Variants in ANO4 observed in about 807,000 individuals in gnomAD.
ANO4 encodes anoctamin 4, also known as anoctamin-4.
A neutral mutation model predicts 141.9 loss-of-function variants in ANO4; 69 were observed. The ratio of observed to expected loss-of-function variants is 0.49; its 90% CI spans 0.40 to 0.59. The LOEUF (loss-of-function observed/expected upper bound fraction) is 0.59, where lower values mean the gene tolerates loss of function less well. Among genes scored for constraint, ANO4 ranks in the 20% least tolerant of loss-of-function variants. The pLI, the probability that ANO4 is intolerant of heterozygous loss-of-function variation, is 0.00. For synonymous variants in ANO4, 350 were observed against 394.3 expected (o/e 0.89, Z 1.33); for missense variants, 894 against 1,162.2 (o/e 0.77, Z 3.36).
intron 14 of ANO4, among the ~76,000 whole-genome samples, chr12:101,058,219 A>G (rs981183030): frequency 1.3e-5 from 2 of 152,148 alleles, no homozygotes; most frequent in Non-Finnish European, 2.9e-5. Context: ...CCATTGGTCT[A>G]TATGTCTGTT....
At chr12:101,011,343 A>G (rs538809329) in intron 8 of ANO4, among the ~76,000 whole-genome samples, 1 of 134,180 alleles carries the variant, frequency 7.5e-6, no homozygotes, top group South Asian at 2.3e-4. Context: ...TTTGCAATCT[A>G]CCACAGACTG....
intron 1 of ANO4, among the ~76,000 whole-genome samples, chr12:100,872,607 A>G (rs1488461359): frequency 6.6e-6 from 1 of 152,238 alleles, no homozygotes; most frequent in African/African-American, 2.4e-5. Context: ...TTAACATGTT[A>G]TAGTAAGAAC....
intron 1 of ANO4, among the ~76,000 whole-genome samples, chr12:100,863,257 G>A (rs924926679): frequency 3.9e-5 from 6 of 152,156 alleles, no homozygotes; most frequent in African/African-American, 1.4e-4. Flanking sequence ...AAGGTAGGAA[G>A]CTGTTGTGAG....
chr12:100,880,979 G>C (rs183076536), intron 1 of ANO4, among the ~76,000 whole-genome samples: 64 of 152,194 alleles, frequency 4.2e-4, no homozygotes, highest in Middle Eastern at 3.4e-3. Flanking sequence ...TTTATTTATA[G>C]AATATGCTCC....
intron 1 of ANO4, among the ~76,000 whole-genome samples, chr12:100,875,911 AC>A (rs1310669429): frequency 6.6e-6 from 1 of 152,148 alleles, no homozygotes; most frequent in Non-Finnish European, 1.5e-5. Flanking sequence ...AGTTTGAAAT[AC>A]CTCTTAGACA....
At chr12:100,873,577 A>G (rs1276446206) in intron 1 of ANO4, among the ~76,000 whole-genome samples, 1 of 152,204 alleles carries the variant, frequency 6.6e-6, no homozygotes, top group Non-Finnish European at 1.5e-5. Context: ...AGAAATGTCT[A>G]AGCAGCAAAA....
In ANO4 at chr12:100,724,041, A is replaced by C. The variant is rs532867596; in HGVS notation, c.22+6494A>C. 5.9e-5 allele frequency among the ~76,000 whole-genome samples: 9 copies of C among 152,336 alleles called. No individual in the cohort carries two copies. In the East Asian group the frequency reaches 1.7e-3, roughly 29 times the overall value. On this transcript the variant is annotated intron_variant, in intron 1 of 29. Coordinates refer to the ANO4 transcript ENST00000644049. ...ACAAACAAAAAACAAAAAAACAAAAAAACCTTGCCTGTTTCATGGATCTTA... is the reference window on the plus strand; with the variant it reads ...ACAAACAAAAAACAAAAAAACAAAACAACCTTGCCTGTTTCATGGATCTTA...
At chr12:101,110,961 G>C (rs2050640816) in intron 23 of ANO4, among the ~76,000 whole-genome samples, 1 of 152,176 alleles carries the variant, frequency 6.6e-6, no homozygotes, top group Admixed American at 6.5e-5. Flanking sequence ...GATGAACTTT[G>C]GTCTTTGACT....
At chr12:100,926,681 C>T (rs1340824780) in intron 3 of ANO4, among the ~76,000 whole-genome samples, 2 of 151,860 alleles carry the variant, frequency 1.3e-5, no homozygotes, top group African/African-American at 4.8e-5. Context: ...TCTCACCCTT[C>T]ACTCTCCATT....
At chr12:101,049,681 T>C (rs2136665530) in intron 14 of ANO4, among the ~76,000 whole-genome samples, 1 of 152,348 alleles carries the variant, frequency 6.6e-6, no homozygotes, top group South Asian at 2.1e-4. Context: ...TCTTTTTTGA[T>C]AAGTGGAAAC....
chr12:101,119,926 CA>C (rs2051013317), intron 25 of ANO4, among the ~76,000 whole-genome samples: 2 of 152,128 alleles, frequency 1.3e-5, no homozygotes, highest in Admixed American at 1.3e-4. Flanking sequence ...TATGCCGACT[CA>C]AAAGTGATAG....
At chr12:100,862,379 T>C (rs2038527161) in intron 1 of ANO4, among the ~76,000 whole-genome samples, 1 of 152,224 alleles carries the variant, frequency 6.6e-6, no homozygotes, top group Non-Finnish European at 1.5e-5. Context: ...TGGAGTGCAG[T>C]GGTGCAATCT....
intron 3 of ANO4, chr12:100,740,140 G>A (rs931558346): frequency 1.9e-5 from 13 of 699,592 alleles, no homozygotes; most frequent in Non-Finnish European, 3.4e-5. Flanking sequence ...ATTCGGGACT[G>A]GGTGTGTATA....
At chr12:100,885,393 C>T (rs1461692762) in intron 1 of ANO4, 9 of 152,244 alleles carry the variant, frequency 5.9e-5, no homozygotes, top group Admixed American at 5.9e-4. Flanking sequence ...ATTTTTGTCT[C>T]AGTCCACTTT....
chr12:100,742,201 A>G (rs918619277), intron 3 of ANO4, among the ~76,000 whole-genome samples: 1 of 152,180 alleles, frequency 6.6e-6, no homozygotes, highest in Non-Finnish European at 1.5e-5. Context: ...TAATCATTTT[A>G]TCATAGAAAG....
intron 5 of ANO4, among the ~76,000 whole-genome samples, chr12:100,966,514 A>G (rs75587042): frequency 0.022 from 3,361 of 152,180 alleles, 106 homozygotes; most frequent in African/African-American, 0.074. Flanking sequence ...GGCCTCTACC[A>G]GCCCTTTAAA....
intron 5 of ANO4, among the ~76,000 whole-genome samples, chr12:100,960,355 G>A (rs1320511518): frequency 6.6e-6 from 1 of 152,020 alleles, no homozygotes; most frequent in Admixed American, 6.6e-5. Context: ...TAACCTATCA[G>A]ATTTCTCTGT....
At chr12:101,083,097 A>C (rs2049350714) in intron 15 of ANO4, among the ~76,000 whole-genome samples, 1 of 152,218 alleles carries the variant, frequency 6.6e-6, no homozygotes, top group South Asian at 2.1e-4. Context: ...AGAATTAAGA[A>C]TATACCTAAA....
intron 14 of ANO4, among the ~76,000 whole-genome samples, chr12:101,052,185 G>C (rs532577033): frequency 1.3e-5 from 2 of 152,266 alleles, no homozygotes; most frequent in African/African-American, 4.8e-5. Context: ...TTGGCATTGG[G>C]TTAGGAATCC....
Sources: allele counts gnomAD v4.1 joint callset (sites outside exome capture counted in the v4.1 genomes callset), GRCh38; gene constraint gnomAD v4.1.1; transcripts MANE v1.5; gene names NCBI Gene and HGNC (gene_info 2026-07-23, HGNC 2026-07-21).